GRIN2B: variants seen among roughly 807,000 people sequenced by gnomAD.
GRIN2B encodes glutamate ionotropic receptor NMDA type subunit 2B, also known as glutamate receptor ionotropic, NMDA 2B.
Under a neutral mutation model 114.5 loss-of-function variants are expected in GRIN2B, and 5 were observed. That is an observed-to-expected ratio of 0.04 (90% confidence interval 0.02 to 0.09). The LOEUF (loss-of-function observed/expected upper bound fraction) is 0.09. Among genes scored for constraint, GRIN2B ranks in the 10% least tolerant of loss-of-function variants. The pLI, the probability that GRIN2B is intolerant of heterozygous loss-of-function variation, is 1.00. For missense variants in GRIN2B, 1,108 were observed against 1,943.5 expected, an observed-to-expected ratio of 0.57 and a Z score of 8.08; for synonymous variants, 787 against 745.1, an observed-to-expected ratio of 1.06 and a Z score of -0.92.
intron 3 of GRIN2B, among the ~76,000 whole-genome samples, chr12:13,829,843 G>A (rs1276557201): frequency 3.9e-5 from 6 of 152,136 alleles, no homozygotes; most frequent in African/African-American, 1.4e-4. Context: ...GAGTCCCTAC[G>A]ACAGCTCTCT....
intron 2 of GRIN2B, among the ~76,000 whole-genome samples, chr12:13,920,517 GCT>G (rs1165063853): frequency 2.0e-5 from 3 of 152,134 alleles, no homozygotes; most frequent in Non-Finnish European, 4.4e-5. Flanking sequence ...ACATCTCTAA[GCT>G]CTCTTTTGCA....
At chr12:13,576,121 C>T (rs924205784) in intron 10 of GRIN2B, among the ~76,000 whole-genome samples, 9 of 152,150 alleles carry the variant, frequency 5.9e-5, no homozygotes, top group African/African-American at 1.9e-4. Context: ...AAATTCTTGT[C>T]CCAGCCTGGT....
At chr12:13,940,530 T>C (rs1356253750) in intron 2 of GRIN2B, among the ~76,000 whole-genome samples, 1 of 152,086 alleles carries the variant, frequency 6.6e-6, no homozygotes, top group East Asian at 1.9e-4. Flanking sequence ...GATTGATTTA[T>C]GAGGGTAATA....
intron 4 of GRIN2B, among the ~76,000 whole-genome samples, chr12:13,704,595 G>GC (rs977441175): frequency 4.0e-5 from 6 of 151,834 alleles, no homozygotes; most frequent in African/African-American, 1.5e-4. Flanking sequence ...CTAATCTAGT[G>GC]CCCCCCAAAT....
intron 3 of GRIN2B, among the ~76,000 whole-genome samples, chr12:13,782,428 C>A (rs1864134016): frequency 6.6e-6 from 1 of 152,152 alleles, no homozygotes; most frequent in Non-Finnish European, 1.5e-5. Context: ...CTTTAATATC[C>A]AGATGATCTT....
At chr12:13,629,690 C>G (rs1055530520) in intron 5 of GRIN2B, among the ~76,000 whole-genome samples, 1 of 151,228 alleles carries the variant, frequency 6.6e-6, no homozygotes, top group African/African-American at 2.4e-5. Flanking sequence ...CTCTCTTTTC[C>G]TCTCTCTCTC....
At chr12:13,962,253 C>A (rs892380399) in intron 2 of GRIN2B, among the ~76,000 whole-genome samples, 1 of 152,102 alleles carries the variant, frequency 6.6e-6, no homozygotes, top group Non-Finnish European at 1.5e-5. Flanking sequence ...CAGAGGGAGG[C>A]TCACGCTCTT....
chr12:13,911,345 GC>G (rs1343530511), intron 2 of GRIN2B, among the ~76,000 whole-genome samples: 1 of 152,178 alleles, frequency 6.6e-6, no homozygotes, highest in Non-Finnish European at 1.5e-5. Flanking sequence ...ATCAAGCCTT[GC>G]TAGAAGTCAG....
chr12:13,856,731 C>T (rs1185086658), intron 3 of GRIN2B, among the ~76,000 whole-genome samples: 1 of 152,162 alleles, frequency 6.6e-6, no homozygotes, highest in Non-Finnish European at 1.5e-5. Context: ...AATGGTGGTG[C>T]ACCCAGGGTT....
chr12:13,756,567 C>T (rs1863580275), intron 3 of GRIN2B, among the ~76,000 whole-genome samples: 1 of 152,208 alleles, frequency 6.6e-6, no homozygotes, highest in Admixed American at 6.5e-5. Context: ...AATATTATCA[C>T]ATGAGCTTCC....
intron 3 of GRIN2B, among the ~76,000 whole-genome samples, chr12:13,772,246 A>G (rs547833507): frequency 6.6e-6 from 1 of 152,258 alleles, no homozygotes; most frequent in Non-Finnish European, 1.5e-5. Context: ...CCATCAGGTT[A>G]CCTTCCTTTG....
At chr12:13,979,333 T>A (rs1301728743) in intron 2 of GRIN2B, among the ~76,000 whole-genome samples, 1 of 152,046 alleles carries the variant, frequency 6.6e-6, no homozygotes, top group Non-Finnish European at 1.5e-5. Context: ...GACCTACCCC[T>A]CTGCAATAGG....
At chr12:13,872,281 A>G (rs1865923961) in intron 2 of GRIN2B, among the ~76,000 whole-genome samples, 1 of 151,964 alleles carries the variant, frequency 6.6e-6, no homozygotes, top group South Asian at 2.1e-4. Context: ...TGAGCAGATC[A>G]CTAAAAATAC....
chr12:13,882,418 A>T (rs1371340067), intron 2 of GRIN2B, among the ~76,000 whole-genome samples: 1 of 152,198 alleles, frequency 6.6e-6, no homozygotes, highest in Non-Finnish European at 1.5e-5. Context: ...AAACAAATAA[A>T]AATTTTTTTT....
intron 10 of GRIN2B, among the ~76,000 whole-genome samples, chr12:13,607,359 A>AATATATATT (rs1949283612): frequency 2.8e-5 from 1 of 36,108 alleles, no homozygotes; most frequent in South Asian, 4.6e-4. Context: ...TAAAATATAT[A>AATATATATT]ATATATATTA....
chr12:13,659,012 C>T (rs1555117517), intron 5 of GRIN2B, among the ~76,000 whole-genome samples: 1 of 152,126 alleles, frequency 6.6e-6, no homozygotes, highest in Non-Finnish European at 1.5e-5. Flanking sequence ...CCTTGGTCCT[C>T]TTCCCTCTCC....
chr12:13,570,425 G>A (rs745328942), intron 11 of GRIN2B, among the ~76,000 whole-genome samples: 22 of 152,314 alleles, frequency 1.4e-4, no homozygotes, highest in Admixed American at 3.3e-4. Context: ...AGTCTGGAGT[G>A]GGGATAAGTG....
At chr12:13,688,527 A>G (rs1390481175) in intron 4 of GRIN2B, among the ~76,000 whole-genome samples, 1 of 152,220 alleles carries the variant, frequency 6.6e-6, no homozygotes, top group Non-Finnish European at 1.5e-5. Flanking sequence ...AAAGTGAAGA[A>G]ATTGAATGAA....
At chr12:13,829,051 C>G (rs1271963233) in intron 3 of GRIN2B, among the ~76,000 whole-genome samples, 4 of 152,142 alleles carry the variant, frequency 2.6e-5, no homozygotes, top group African/African-American at 9.7e-5. Flanking sequence ...TGCTGTTAAC[C>G]CTTCCTAGGG....
Sources: allele counts gnomAD v4.1 joint callset (sites outside exome capture counted in the v4.1 genomes callset), GRCh38; gene constraint gnomAD v4.1.1; transcripts MANE v1.5; gene names NCBI Gene and HGNC (gene_info 2026-07-23, HGNC 2026-07-21).